The following PRELID2 variants were observed in gnomAD, a reference collection of about 807,000 sequenced individuals.
PRELID2 encodes PRELI domain containing 2, also known as PRELI domain-containing protein 2.
PRELID2 carries 25 observed loss-of-function variants against 28.4 expected under a neutral mutation model. The ratio of observed to expected loss-of-function variants is 0.88; its 90% confidence interval spans 0.64 to 1.23. PRELID2 has a LOEUF of 1.23. PRELID2 is among the 50% of genes most tolerant of loss of function. The pLI, the probability that PRELID2 is intolerant of heterozygous loss-of-function variation, is 0.00. For missense variants in PRELID2, 201 were observed against 214.4 expected, an observed-to-expected ratio of 0.94 and a Z score of 0.39; for synonymous variants, 76 against 71.6, an observed-to-expected ratio of 1.06 and a Z score of -0.31.
intron 1 of PRELID2, among the ~76,000 whole-genome samples, chr5:145,749,166 C>T (rs1174954826): frequency 6.6e-6 from 1 of 152,134 alleles, no homozygotes; most frequent in Non-Finnish European, 1.5e-5. Context: ...AAGAAACTAT[C>T]ATCAGAGTGA....
chr5:145,263,063 CT>C, the PRELID2 span, among the ~76,000 whole-genome samples: 464 of 152,026 alleles, frequency 3.1e-3, 1 homozygote, highest in African/African-American at 0.01. Context: ...CAAAAACCAA[CT>C]TTAACAGCAG....
chr5:145,593,140 G>A (rs953945681), intron 1 of PRELID2, among the ~76,000 whole-genome samples: 22 of 152,158 alleles, frequency 1.4e-4, no homozygotes, highest in African/African-American at 5.1e-4. Flanking sequence ...TGGATTGGAA[G>A]TATCAGTAAA....
At chr5:145,778,875 C>T (rs993758228) in intron 5 of PRELID2, among the ~76,000 whole-genome samples, 2 of 152,134 alleles carry the variant, frequency 1.3e-5, no homozygotes, top group Admixed American at 1.3e-4. Context: ...GGTTTCCAGC[C>T]AGAAAAATGA....
At chr5:145,454,326 C>T in the PRELID2 span, among the ~76,000 whole-genome samples, 20 of 152,248 alleles carry the variant, frequency 1.3e-4, no homozygotes, top group African/African-American at 4.8e-4. Flanking sequence ...CAATATCATA[C>T]TGAATGGGAA....
intron 1 of PRELID2, among the ~76,000 whole-genome samples, chr5:145,686,253 C>A (rs1755036698): frequency 6.6e-6 from 1 of 152,108 alleles, no homozygotes; most frequent in South Asian, 2.1e-4. Flanking sequence ...TAGGTAGGGA[C>A]CACATCTGAG....
At chr5:145,617,250 G>T (rs1217898728) in intron 1 of PRELID2, among the ~76,000 whole-genome samples, 1 of 152,228 alleles carries the variant, frequency 6.6e-6, no homozygotes, top group Middle Eastern at 3.4e-3. Flanking sequence ...CTCAGCTTAT[G>T]AAGATGACAG....
At chr5:145,507,140 G>T (rs2126638078) in intron 1 of PRELID2, among the ~76,000 whole-genome samples, 1 of 152,114 alleles carries the variant, frequency 6.6e-6, no homozygotes, top group South Asian at 2.1e-4. Context: ...ATGTACACTT[G>T]CATTTTTGCT....
intron 1 of PRELID2, among the ~76,000 whole-genome samples, chr5:145,499,911 G>C (rs1034279580): frequency 6.6e-6 from 1 of 152,206 alleles, no homozygotes; most frequent in African/African-American, 2.4e-5. Flanking sequence ...TCCAGAAGCT[G>C]AGCTTTGCGC....
intron 1 of PRELID2, among the ~76,000 whole-genome samples, chr5:145,718,594 C>T (rs1300601932): frequency 1.3e-5 from 2 of 151,804 alleles, no homozygotes; most frequent in East Asian, 3.9e-4. Flanking sequence ...CCATGCTTAG[C>T]TAAGTAAACC....
At chr5:145,575,559 G>A (rs551640137) in intron 1 of PRELID2, among the ~76,000 whole-genome samples, 2 of 152,248 alleles carry the variant, frequency 1.3e-5, no homozygotes, top group Non-Finnish European at 2.9e-5. Flanking sequence ...AAGACTTAAA[G>A]TTTATGACCT....
At chr5:145,366,208 C>A in the PRELID2 span, among the ~76,000 whole-genome samples, 1 of 151,800 alleles carries the variant, frequency 6.6e-6, no homozygotes. Context: ...TCCACAAATT[C>A]TCTCAGTTTA....
At chr5:145,594,745 T>A (rs982776405) in intron 1 of PRELID2, among the ~76,000 whole-genome samples, 2 of 152,200 alleles carry the variant, frequency 1.3e-5, no homozygotes, top group African/African-American at 2.4e-5. Flanking sequence ...GGTGGTCAGA[T>A]TGTCAGTAAT....
At chr5:145,793,872 C>A (rs925582879) in intron 5 of PRELID2, among the ~76,000 whole-genome samples, 6 of 152,040 alleles carry the variant, frequency 3.9e-5, no homozygotes, top group Middle Eastern at 3.2e-3. Flanking sequence ...TGGGATCATG[C>A]TAGAAACTTT....
rs138681382 is a variant in PRELID2 at position 145,643,863 on chromosome 5, C to T, written n.70+121068G>A. On this transcript the variant is annotated intron_variant and non_coding_transcript_variant, in intron 1 of 2. Transcript: ENST00000510259. Reference sequence around the variant, plus strand: ...CAGCCTTGCATCTCAGGGATGAAGCCGATTTGATCATGGTGGATAAGCTTT... The same window carrying T: ...CAGCCTTGCATCTCAGGGATGAAGCTGATTTGATCATGGTGGATAAGCTTT... Among the ~76,000 whole-genome samples, 578 of 152,064 alleles carry T rather than the reference C, an allele frequency of 3.8e-3. 2 individuals are homozygous for T. The highest frequency in any genetic ancestry group is 0.013 in the African/African-American group (540 of 41,486).
chr5:145,712,875 A>G lies in PRELID2; in HGVS notation n.70+52056T>C, dbSNP rs370337566. ...ATTCAACACATATATGAAAAAATGG[A>G]AACATGAAAAGTGAAAAATATCAGA... is the stretch of plus-strand genomic sequence containing the variant. On this transcript the variant is annotated intron_variant and non_coding_transcript_variant, in intron 1 of 2. Transcript: ENST00000510259. Among the ~76,000 whole-genome samples, 4 of 152,220 alleles carry G rather than the reference A, an allele frequency of 2.6e-5. No individual in the cohort carries two copies. The East Asian group carries it at 7.7e-4, about 29-fold the overall frequency.
chr5:145,760,864 G>C (rs1212600689), intron 6 of PRELID2, among the ~76,000 whole-genome samples: 1 of 152,186 alleles, frequency 6.6e-6, no homozygotes, highest in African/African-American at 2.4e-5. Context: ...ACAGCTGTCA[G>C]GGTTATTTGT....
At chr5:145,590,648 TA>T in intron 1 of PRELID2, among the ~76,000 whole-genome samples, 1 of 152,236 alleles carries the variant, frequency 6.6e-6, no homozygotes, top group East Asian at 1.9e-4. Context: ...GTTACAAATC[TA>T]AAATGCATCT....
chr5:145,548,500 C>T (rs959202486), intron 1 of PRELID2, among the ~76,000 whole-genome samples: 12 of 152,218 alleles, frequency 7.9e-5, no homozygotes, highest in South Asian at 6.2e-4. Flanking sequence ...TTCTCATCTC[C>T]CCTTTCTCAT....
At chr5:145,522,219 C>T (rs1020266889) in intron 1 of PRELID2, among the ~76,000 whole-genome samples, 3 of 152,016 alleles carry the variant, frequency 2.0e-5, no homozygotes, top group Non-Finnish European at 4.4e-5. Flanking sequence ...TCTTCAAGAC[C>T]ATTTATTTGA....
Sources: gnomAD v4.1 joint callset for allele counts (sites outside exome capture counted in the v4.1 genomes callset) on GRCh38, gnomAD v4.1.1 for gene constraint, MANE v1.5 for transcripts, NCBI Gene and HGNC (gene_info 2026-07-23, HGNC 2026-07-21) for gene names.